The following NEMF variants were observed in gnomAD, a reference collection of about 807,000 sequenced individuals.
NEMF encodes ribosome quality control complex subunit NEMF.
In NEMF, 89 loss-of-function variants were observed where a neutral mutation model predicts 162.2. The observed-to-expected ratio is 0.55, with a 90% CI of 0.46 to 0.65. The LOEUF is 0.65. Ranked by LOEUF, NEMF falls within the 30% of genes least tolerant of loss-of-function variation. The probability of loss-of-function intolerance (pLI) is 0.00; values close to 1 mark genes in which losing one functional copy is unlikely to be tolerated. For synonymous variants in NEMF, 421 were observed against 404.5 expected, an observed-to-expected ratio of 1.04 and a Z score of -0.49; for missense variants, 1,133 against 1,261.9, an observed-to-expected ratio of 0.90 and a Z score of 1.55.
chr14:49,850,182 A>C (rs1023834452), intron 3 of NEMF, among the ~76,000 whole-genome samples: 1 of 152,046 alleles, frequency 6.6e-6, no homozygotes, highest in Non-Finnish European at 1.5e-5. Context: ...AGCTGACTGC[A>C]ATCTCTATCT....
intron 16 of NEMF, chr14:49,820,002 A>G (rs1227641265): frequency 6.4e-6 from 1 of 156,990 alleles, no homozygotes; most frequent in Non-Finnish European, 1.4e-5. Context: ...CCCAGACTGG[A>G]GTGCAGAGGC....
intron 15 of NEMF, 118 bp from the exon 16 acceptor site, chr14:49,826,073 C>G: frequency 1.7e-6 from 1 of 595,118 alleles, no homozygotes; most frequent in Non-Finnish European, 3.0e-6. Context: ...TCTACACACA[C>G]ACACACAAAC....
At chr14:49,841,498 T>C (rs964071388) in intron 4 of NEMF, among the ~76,000 whole-genome samples, 1 of 142,558 alleles carries the variant, frequency 7.0e-6, no homozygotes, top group African/African-American at 2.6e-5. Context: ...CGCTTGAACC[T>C]GGGAGGTGGA....
intron 26 of NEMF, 146 bp from the exon 27 acceptor site, chr14:49,789,719 C>T: frequency 1.7e-6 from 2 of 1,187,910 alleles, no homozygotes; most frequent in Non-Finnish European, 2.3e-6. Flanking sequence ...ATGAAGGCTA[C>T]AAAGTTGGAT....
rs554810200 is a variant in NEMF, at chr14:49,789,550, T to C, written c.2643A>G (p.Glu881=). Residue 881 remains glutamate, a synonymous_variant, in exon 27 of 33, where the codon GAA becomes GAG. Coordinates refer to ENST00000298310, the MANE Select transcript of NEMF (RefSeq NM_004713.6). The part of the protein sequence containing the change: ...GQKSKMKKMK[E]KYKDQDEEDR... ...CTTCTTCATCCTGGTCTTTGTATTT[T>C]TCTTTCATTTTTTTCATTTTACTCT... 2.1e-5 allele frequency: 34 copies of C among 1,611,102 alleles called. No homozygotes were observed. The South Asian group carries it at 3.2e-4, about 15-fold the overall frequency.
chr14:49,834,119 C>T (rs1051454263), intron 7 of NEMF: 16 of 574,276 alleles, frequency 2.8e-5, no homozygotes, highest in Middle Eastern at 3.3e-4. Context: ...AGATGGGGGT[C>T]TCACTCTGTT....
chr14:49,841,196 CAAAAAAAAAA>C (rs34039009), intron 4 of NEMF, among the ~76,000 whole-genome samples: 1 of 56,800 alleles, frequency 1.8e-5, no homozygotes, highest in Non-Finnish European at 3.1e-5. Context: ...AACTCTGTCT[CAAAAAAAAAA>C]AAAAAAAAAA....
In NEMF at chr14:49,828,327, A is replaced by G; in HGVS notation, c.1452T>C (p.Ala484=). 6.2e-7 allele frequency: 1 copy of G among 1,602,574 alleles called. No individual in the cohort carries two copies. Among genetic ancestry groups the G allele is most frequent in the African/African-American group, 1.3e-5 (1 of 74,662 alleles). The part of the protein sequence containing the change: ...KKYYDHKRYA[A]KKTQKTVEAA... ...CTTCAACAGTCTTTTGTGTTTTCTT[A>G]GCAGCATATCTCTTGTGATCATAAT... Residue 484 remains alanine, a synonymous_variant, in exon 15 of 33, where the codon GCT becomes GCC. Transcript: ENST00000298310.
Position 49,785,113 on chromosome 14 carries a change from C to T in NEMF, c.3052G>A (p.Gly1018Arg). 6.2e-7 allele frequency: 1 copy of T among 1,606,028 alleles called. No homozygotes were observed. The change falls in exon 31 of 33, where the codon GGA becomes AGA. Residue 1018 changes from glycine to arginine, a missense_variant. By Grantham distance (125) the Gly-to-Arg change is moderately radical. Transcript: ENST00000298310. Reference sequence around the variant, plus strand: ...ATACCTTTTCCCTTTTTCTGCACTCCAGGAGTAAGTTTCACTTTATATCTT... The same window carrying T: ...ATACCTTTTCCCTTTTTCTGCACTCTAGGAGTAAGTTTCACTTTATATCTT... ...NYKYKVKLTP[G>R]VQKKGKAAKT... is the part of the protein sequence containing the mutation.
At chr14:49,787,388 C>A (rs1051346148) in intron 28 of NEMF, among the ~76,000 whole-genome samples, 4 of 152,196 alleles carry the variant, frequency 2.6e-5, no homozygotes, top group Non-Finnish European at 4.4e-5. Flanking sequence ...GGGCTTGCCT[C>A]AAAGATGGTA....
chr14:49,814,117 T>C (rs933685420), intron 17 of NEMF, 67 bp from the exon 18 acceptor site: 1 of 923,918 alleles, frequency 1.1e-6, no homozygotes, highest in East Asian at 2.5e-5. Context: ...TTTTTTTTTT[T>C]CAGATGGAGT....
In NEMF at chr14:49,782,910, G is replaced by T. The variant is rs1566639739; in HGVS notation, c.*1726C>A. 6.2e-7 allele frequency: 1 copy of T among 1,613,764 alleles called. No homozygotes were observed. The highest frequency in any genetic ancestry group is 1.1e-5 in the South Asian group (1 of 91,062). ...TGCCTTCCAAAACACTTACTTCACA[G>T]TGTTAATCAGAGGTTTGGTAGTAAC... On this transcript the variant is annotated 3_prime_UTR_variant, in exon 33 of 33. Coordinates refer to ENST00000298310, the MANE Select transcript of NEMF (RefSeq NM_004713.6).
intron 8 of NEMF, among the ~76,000 whole-genome samples, chr14:49,832,544 G>C (rs1288635454): frequency 6.6e-6 from 1 of 151,974 alleles, no homozygotes; most frequent in Admixed American, 6.6e-5. Flanking sequence ...TGATGGCCAG[G>C]GTGGTGTCGA....
At chr14:49,808,254 C>T (rs773479824) in intron 18 of NEMF, among the ~76,000 whole-genome samples, 1 of 152,112 alleles carries the variant, frequency 6.6e-6, no homozygotes, top group Non-Finnish European at 1.5e-5. Context: ...CTCACTGCAA[C>T]CTTCGCCTCC....
At chr14:49,816,503 G>A (rs3126198) in intron 16 of NEMF, among the ~76,000 whole-genome samples, 147,525 of 152,276 alleles carry the variant, frequency 0.97, 71,658 homozygotes, top group East Asian at 1. Flanking sequence ...CCTTAATAAA[G>A]CTTGCTGGCT....
chr14:49,828,091 G>T (rs1892451519), intron 15 of NEMF, among the ~76,000 whole-genome samples, 200 bp downstream of exon 15: 1 of 152,180 alleles, frequency 6.6e-6, no homozygotes, highest in Non-Finnish European at 1.5e-5. Flanking sequence ...AAATGAAGGT[G>T]TTATTTACTG....
intron 4 of NEMF, among the ~76,000 whole-genome samples, chr14:49,844,188 A>G (rs747965932): frequency 1.3e-5 from 2 of 151,710 alleles, no homozygotes; most frequent in Non-Finnish European, 2.9e-5. Flanking sequence ...CAATTTTTCC[A>G]TGGATGGGGG....
At chr14:49,851,719 C>G (rs1431044693) in intron 2 of NEMF, 54 bp from the exon 3 acceptor site, 2 of 1,497,284 alleles carry the variant, frequency 1.3e-6, no homozygotes, top group Non-Finnish European at 1.9e-6. Context: ...AAGCTAATTG[C>G]TAAACAGGCT....
chr14:49,792,447 G>T (rs1890496033), intron 26 of NEMF, among the ~76,000 whole-genome samples: 1 of 152,088 alleles, frequency 6.6e-6, no homozygotes, highest in Non-Finnish European at 1.5e-5. Context: ...CCTGACCTCA[G>T]GTGACCCAAC....
Sources: allele counts gnomAD v4.1 joint callset (sites outside exome capture counted in the v4.1 genomes callset), GRCh38; gene constraint gnomAD v4.1.1; transcripts MANE v1.5; gene names NCBI Gene and HGNC (gene_info 2026-07-23, HGNC 2026-07-21).